Variants in SPRY3 observed in about 807,000 individuals in gnomAD.
The protein encoded by SPRY3 is protein sprouty homolog 3.
Under a neutral mutation model 20.2 loss-of-function variants are expected in SPRY3, and 15 were observed. That is an observed-to-expected ratio of 0.74 (90% CI 0.50 to 1.14). SPRY3 has a LOEUF of 1.14. Among genes scored for constraint, SPRY3 ranks in the 50% most tolerant of loss-of-function variants. The probability of loss-of-function intolerance (pLI) is 0.00; values close to 1 mark genes in which losing one functional copy is unlikely to be tolerated. For missense variants in SPRY3, 364 were observed against 363.9 expected, an observed-to-expected ratio of 1.00 and a Z score of 0.00; for synonymous variants, 143 against 136.5, an observed-to-expected ratio of 1.05 and a Z score of -0.33.
At chrX:155,668,676 C>T (rs1340639547) in intron 2 of SPRY3, among the ~76,000 whole-genome samples, 3 of 110,666 alleles carry the variant, frequency 2.7e-5, no homozygotes, top group Non-Finnish European at 5.7e-5. Context: ...AATTCAACAC[C>T]ATCCTCAGAT....
intron 2 of SPRY3, among the ~76,000 whole-genome samples, chrX:155,678,349 G>A (rs749494756): frequency 9.8e-5 from 11 of 111,892 alleles, no homozygotes; most frequent in Non-Finnish European, 1.3e-4. Flanking sequence ...AGTCTTTAAC[G>A]ATTGCAGTAG....
At chrX:155,685,260 AG>A (rs1292068308) in intron 2 of SPRY3, among the ~76,000 whole-genome samples, 1 of 111,103 alleles carries the variant, frequency 9.0e-6, no homozygotes, top group Admixed American at 9.6e-5. Flanking sequence ...CAGGTCTCTG[AG>A]GTTCATTTTT....
At chrX:155,693,381 T>C (rs1312890958) in intron 2 of SPRY3, among the ~76,000 whole-genome samples, 1 of 112,049 alleles carries the variant, frequency 8.9e-6, no homozygotes, top group Non-Finnish European at 1.9e-5. Flanking sequence ...TATTGAAACT[T>C]GTTTTATGAC....
chrX:155,704,628 T>G (rs1167823870), intron 2 of SPRY3, among the ~76,000 whole-genome samples: 1 of 151,576 alleles, frequency 6.6e-6, no homozygotes, highest in Non-Finnish European at 1.5e-5. Context: ...GACTGAGAAT[T>G]TTTTTTAAAT....
chrX:155,707,689 C>T (rs1385557925), intron 2 of SPRY3, among the ~76,000 whole-genome samples: 1 of 151,106 alleles, frequency 6.6e-6, no homozygotes, highest in Non-Finnish European at 1.5e-5. Flanking sequence ...ATTTCTAATA[C>T]TCTTTCTTGT....
intron 2 of SPRY3, among the ~76,000 whole-genome samples, chrX:155,724,425 T>G: frequency 6.6e-6 from 1 of 152,302 alleles, no homozygotes; most frequent in South Asian, 2.1e-4. Context: ...GAGCATGGAA[T>G]GTTTTTCCAT....
intron 2 of SPRY3, among the ~76,000 whole-genome samples, chrX:155,733,950 T>G (rs1187479583): frequency 6.6e-6 from 1 of 152,136 alleles, no homozygotes; most frequent in Non-Finnish European, 1.5e-5. Context: ...AGTAAAGGCC[T>G]TGCTCTGGAT....
At chrX:155,750,026 T>G (rs2091253231) in intron 2 of SPRY3, among the ~76,000 whole-genome samples, 1 of 151,780 alleles carries the variant, frequency 6.6e-6, no homozygotes, top group Admixed American at 6.6e-5. Flanking sequence ...AGTCTTACAT[T>G]ACTTCAGTAT....
intron 1 of SPRY3, among the ~76,000 whole-genome samples, chrX:155,625,706 A>C (rs1163743702): frequency 9.0e-6 from 1 of 111,252 alleles, no homozygotes; most frequent in Non-Finnish European, 1.9e-5. Context: ...TCATTACCCC[A>C]AAAACAAACC....
chrX:155,680,881 T>A (rs978462773), intron 2 of SPRY3, among the ~76,000 whole-genome samples: 2 of 111,603 alleles, frequency 1.8e-5, no homozygotes, highest in Non-Finnish European at 3.8e-5. Context: ...TGATCGGTGA[T>A]CTTTGATGTT....
chrX:155,774,766 T>C (rs377003473), exon 4 of SPRY3: 1 of 1,587,536 alleles, frequency 6.3e-7, no homozygotes, highest in African/African-American at 1.3e-5. Context: ...TCCAGAGCTT[T>C]TCTCCTTCGA....
chrX:155,708,886 T>C (rs633013), intron 2 of SPRY3, among the ~76,000 whole-genome samples: 76,798 of 150,986 alleles, frequency 0.51, 18,525 homozygotes, highest in African/African-American at 0.68. Context: ...TCCCCACCTT[T>C]TCCCTATTAA....
chrX:155,692,179 CAGCTTTATATTTTACATTT>C (rs1463857447), intron 2 of SPRY3, among the ~76,000 whole-genome samples: 4 of 109,051 alleles, frequency 3.7e-5, no homozygotes, highest in African/African-American at 1.4e-4. Context: ...TAAATGGGTA[CAGCTTTATATTTTACATTT>C]AGCTCCCTGG....
intron 2 of SPRY3, among the ~76,000 whole-genome samples, chrX:155,754,824 T>C (rs182320386): frequency 6.6e-6 from 1 of 152,204 alleles, no homozygotes; most frequent in Admixed American, 6.5e-5. Flanking sequence ...AATGTATTCT[T>C]ATTTTATTCT....
chrX:155,658,428 A>T (rs2067998845), intron 2 of SPRY3, among the ~76,000 whole-genome samples: 1 of 111,790 alleles, frequency 8.9e-6, no homozygotes, highest in East Asian at 2.8e-4. Flanking sequence ...ATTCCTAGGT[A>T]TTTTAATGTT....
At chrX:155,757,634 T>C (rs2091288494) in intron 2 of SPRY3, among the ~76,000 whole-genome samples, 1 of 152,270 alleles carries the variant, frequency 6.6e-6, no homozygotes, top group Admixed American at 6.5e-5. Context: ...TTCTGCATGA[T>C]ACATCCAAGG....
chrX:155,719,368 A>T lies in SPRY3; in HGVS notation c.-281-48594A>T, dbSNP rs1387205089. Among the ~76,000 whole-genome samples, 7 of 152,150 alleles carry T rather than the reference A, an allele frequency of 4.6e-5. No individual in the cohort carries two copies. In the East Asian group the frequency reaches 9.7e-4, roughly 21 times the overall value. ...GCTATAGTGCTCTGGGGCTCTAAAT[A>T]AACTTGAAAGACAGTCTAGGCCACA... On this transcript the variant is annotated intron_variant, in intron 2 of 3. Coordinates refer to ENST00000675360, the Ensembl canonical transcript of SPRY3.
intron 2 of SPRY3, among the ~76,000 whole-genome samples, chrX:155,708,860 TG>T (rs2090968774): frequency 6.6e-6 from 1 of 151,402 alleles, no homozygotes; most frequent in Non-Finnish European, 1.5e-5. Flanking sequence ...AACTATTTTT[TG>T]GTACCCATTA....
chrX:155,754,316 C>A (rs2091275439), intron 2 of SPRY3, among the ~76,000 whole-genome samples: 1 of 151,950 alleles, frequency 6.6e-6, no homozygotes, highest in African/African-American at 2.4e-5. Context: ...TGTGGCTATT[C>A]AGTTGTTGCA....
Sources: allele counts gnomAD v4.1 joint callset (sites outside exome capture counted in the v4.1 genomes callset), GRCh38; gene constraint gnomAD v4.1.1; transcripts MANE v1.5; gene names NCBI Gene and HGNC (gene_info 2026-07-23, HGNC 2026-07-21).